SLC7A8: variants seen among roughly 807,000 people sequenced by gnomAD.
SLC7A8 encodes large neutral amino acids transporter small subunit 2.
A neutral mutation model predicts 51.2 loss-of-function variants in SLC7A8; 30 were observed. The ratio of observed to expected loss-of-function variants is 0.59; its 90% confidence interval spans 0.44 to 0.80. SLC7A8 has a LOEUF of 0.80. Among genes scored for constraint, SLC7A8 ranks in the 30% least tolerant of loss-of-function variants. SLC7A8 has a pLI of 0.00. For synonymous variants in SLC7A8, 257 were observed against 275.8 expected (o/e 0.93, Z 0.67); for missense variants, 612 against 674.4 (o/e 0.91, Z 1.03).
At chr14:23,140,769 A>G in intron 4 of SLC7A8, 145 bp from the exon 5 acceptor site, 1 of 754,420 alleles carries the variant, frequency 1.3e-6, no homozygotes, top group Non-Finnish European at 2.1e-6. Flanking sequence ...CATATTGGAT[A>G]AATTGGGATA....
rs938209000 is a variant in SLC7A8 at position 23,126,917 on chromosome 14, T to G, written c.*260A>C. ...AGGTCCTGCAGGGCACCTTGGCATC[T>G]CCCCTCTCCTCCAGCAGCTGGGAGT... On this transcript the variant is annotated 3_prime_UTR_variant, in exon 11 of 11. Transcript: ENST00000316902. 5.8e-6 allele frequency: 3 copies of G among 513,090 alleles called. No individual in the cohort carries two copies. The highest frequency in any genetic ancestry group is 7.0e-6 in the Non-Finnish European group (2 of 285,740). The allele number at this position is 513,090 out of a possible 1,614,324, so 31.8% of individuals were successfully genotyped here. A position where few individuals can be genotyped will look rare whatever the true frequency, so the allele number is the denominator to read the frequency against.
Position 23,138,022 on chromosome 14 carries a change from A to C in SLC7A8, c.915T>G (p.Thr305=). The change falls in exon 7 of 11, where the codon ACT becomes ACG. Residue 305 remains threonine, a splice_region_variant and synonymous_variant. Transcript: ENST00000316902. ...ELLASNAVAV[T]FGEKLLGVMA... ...TGACTCCTAGGAGCTTCTCTCCAAA[A>C]GTCTGGGAGAGGAACCAAGGAGATA... The C allele has an allele frequency of 6.2e-7, 1 of 1,613,898 alleles. No individual in the cohort carries two copies. Among genetic ancestry groups the C allele is most frequent in the Non-Finnish European group, 8.5e-7 (1 of 1,179,970 alleles).
rs916282003 is a variant in SLC7A8 at position 23,154,596 on chromosome 14, G to A, written c.508+10689C>T. The A allele has an allele frequency of 3.8e-5, 20 of 531,706 alleles. No homozygotes were observed. The African/African-American group carries it at 3.9e-4, about 10-fold the overall frequency. 32.9% of individuals were successfully genotyped at this position (531,706 alleles called of 1,614,324 possible). On this transcript the variant is annotated intron_variant, in intron 3 of 10. Coordinates refer to ENST00000316902, the MANE Select transcript of SLC7A8 (RefSeq NM_012244.4). ...CGTTTCCAGATCTAGGAGGTAAGCA[G>A]TGCCGGCTGCCAAAAGGCGCTGATA...
Position 23,128,509 on chromosome 14 carries a change from G to T in SLC7A8, c.1264-313C>A. 2.9e-6 allele frequency: 2 copies of T among 686,950 alleles called. No individual in the cohort carries two copies. Among genetic ancestry groups the T allele is most frequent in the Non-Finnish European group, 4.6e-6 (2 of 437,334 alleles). 42.6% of individuals were successfully genotyped at this position (686,950 alleles called of 1,614,324 possible). On this transcript the variant is annotated intron_variant, in intron 9 of 10. Transcript: ENST00000316902. The surrounding 1 kb of genome is among the most constrained non-coding windows in gnomAD (Gnocchi z 4.3). ...TCATCATGCATGCCATGTGCCCGTG[G>T]CAGCCAGAGAAGCCCACAGGGATGG... is the stretch of plus-strand genomic sequence containing the variant.
chr14:23,154,336 AG>A, intron 3 of SLC7A8: 1 of 1,000,044 alleles, frequency 1.0e-6, no homozygotes, highest in African/African-American at 1.7e-5. Flanking sequence ...CTCCAGCTGG[AG>A]CAAAAGGGGT....
At chr14:23,131,778 G>A (rs2048636588) in intron 7 of SLC7A8, among the ~76,000 whole-genome samples, 1 of 152,212 alleles carries the variant, frequency 6.6e-6, no homozygotes, top group Admixed American at 6.5e-5. Flanking sequence ...GATGAACCCT[G>A]GGTATGTTAG....
At chr14:23,158,233 C>T (rs1034466037) in intron 3 of SLC7A8, among the ~76,000 whole-genome samples, 1 of 152,200 alleles carries the variant, frequency 6.6e-6, no homozygotes, top group Non-Finnish European at 1.5e-5. Flanking sequence ...GAGTCCCAAT[C>T]CCTTTCTAAG....
At chr14:23,180,009 A>C (rs111848958) in intron 1 of SLC7A8, among the ~76,000 whole-genome samples, 5 of 151,490 alleles carry the variant, frequency 3.3e-5, no homozygotes, top group African/African-American at 4.8e-5. Context: ...GGGTTCAAGC[A>C]ATTCTCCTGC....
chr14:23,130,034 C>T lies in SLC7A8; in HGVS notation c.1114-235G>A, dbSNP rs192719293. 7.1e-4 allele frequency: 354 copies of T among 501,520 alleles called. 2 individuals carry two copies. Among genetic ancestry groups the T allele is most frequent in the South Asian group, 4.8e-3 (186 of 38,816 alleles). The allele number at this position is 501,520 out of a possible 1,614,324, so 31.1% of individuals were successfully genotyped here. A position where few individuals can be genotyped will look rare whatever the true frequency, so the allele number is the denominator to read the frequency against. On this transcript the variant is annotated intron_variant, in intron 8 of 10. Coordinates refer to ENST00000316902, the MANE Select transcript of SLC7A8 (RefSeq NM_012244.4). The stretch of plus-strand genomic sequence containing the variant: ...AAAATATTTAACCACTCGTATGGCA[C>T]GGGCACTAGCCAATTAGAATGGATA...
In SLC7A8 at chr14:23,179,506, G is replaced by GAA. The variant is rs71115600; in HGVS notation, c.151+3256_151+3257dup. Among the ~76,000 whole-genome samples, 250 of 142,544 alleles carry GAA rather than the reference G, an allele frequency of 1.8e-3. 1 individual carries two copies. The highest frequency in any genetic ancestry group is 5.7e-3 in the African/African-American group (222 of 38,988). 93.5% of individuals were successfully genotyped at this position (142,544 alleles called of 152,430 possible). On this transcript the variant is annotated intron_variant, in intron 1 of 10. Coordinates refer to ENST00000316902, the MANE Select transcript of SLC7A8 (RefSeq NM_012244.4). ...CAAATGTAACTTTGCCACAGTCCCTGAAAAAAAAAAAAAGATCTGGGGGCC... is the reference window on the plus strand; with the variant it reads ...CAAATGTAACTTTGCCACAGTCCCTGAAAAAAAAAAAAAAAGATCTGGGGGCC...
intron 8 of SLC7A8, 106 bp downstream of exon 8, chr14:23,131,355 G>A (rs1354833323): frequency 1.2e-6 from 1 of 845,884 alleles, no homozygotes; most frequent in African/African-American, 1.7e-5. Flanking sequence ...CCTAGCAGCA[G>A]ACTGCAAGGG....
chr14:23,161,125 C>G (rs2048919478), intron 3 of SLC7A8, among the ~76,000 whole-genome samples: 1 of 152,174 alleles, frequency 6.6e-6, no homozygotes, highest in South Asian at 2.1e-4. Flanking sequence ...TCTCCTCTCC[C>G]CGACCCGCTC....
intron 1 of SLC7A8, 26 bp downstream of exon 1, chr14:23,182,738 G>T (rs202143434): frequency 1.3e-6 from 2 of 1,526,082 alleles, no homozygotes; most frequent in East Asian, 4.7e-5. Flanking sequence ...GGAGAGGAGG[G>T]GTCCGCGGGA....
intron 1 of SLC7A8, among the ~76,000 whole-genome samples, chr14:23,181,964 GT>G (rs1877201408): frequency 6.6e-6 from 1 of 152,300 alleles, no homozygotes; most frequent in Admixed American, 6.5e-5. Context: ...GGCCACCCAG[GT>G]TCCCCACCTT....
intron 1 of SLC7A8, among the ~76,000 whole-genome samples, chr14:23,177,662 C>G (rs113523910): frequency 1.3e-5 from 2 of 152,196 alleles, no homozygotes; most frequent in Non-Finnish European, 2.9e-5. Context: ...ACCTCTAACA[C>G]GGCTGGGAAG....
chr14:23,139,658 T>C, intron 5 of SLC7A8, 111 bp from the exon 6 acceptor site: 1 of 1,292,466 alleles, frequency 7.7e-7, no homozygotes, highest in Non-Finnish European at 1.0e-6. Context: ...CTTACAGCCT[T>C]CTGTGAGGCT....
chr14:23,135,594 C>T (rs992575013), intron 7 of SLC7A8, among the ~76,000 whole-genome samples: 24 of 151,440 alleles, frequency 1.6e-4, no homozygotes, highest in Non-Finnish European at 2.7e-4. Context: ...CCCAGCTACT[C>T]GGGAAGCTGA....
intron 10 of SLC7A8, among the ~76,000 whole-genome samples, chr14:23,127,560 C>T (rs577320267): frequency 8.5e-5 from 13 of 152,242 alleles, no homozygotes; most frequent in Non-Finnish European, 1.5e-4. Context: ...TTCCCTGTGC[C>T]CACTGACCCC....
At position 23,163,445 on chromosome 14, in the gene SLC7A8, A is replaced by C. The variant is rs569463907; in HGVS notation, c.508+1840T>G. ...AAACACAAGGAATACACCCCCAAACAAATGTCTTGGCCCCATATTGCAAAT... is the reference window on the plus strand; with the variant it reads ...AAACACAAGGAATACACCCCCAAACCAATGTCTTGGCCCCATATTGCAAAT... On this transcript the variant is annotated intron_variant, in intron 3 of 10. Coordinates refer to ENST00000316902, the MANE Select transcript of SLC7A8 (RefSeq NM_012244.4). Among the ~76,000 whole-genome samples, 17 of 152,278 alleles carry C rather than the reference A, an allele frequency of 1.1e-4. No individual in the cohort carries two copies. In the South Asian group the frequency reaches 3.5e-3, roughly 32 times the overall value.
Sources: gnomAD v4.1 joint callset for allele counts (sites outside exome capture counted in the v4.1 genomes callset) on GRCh38, gnomAD v4.1.1 for gene constraint, Gnocchi (gnomAD v3.1) non-coding constraint, MANE v1.5 for transcripts, NCBI Gene and HGNC (gene_info 2026-07-23, HGNC 2026-07-21) for gene names.